Variants in RECQL observed in about 807,000 individuals in gnomAD.
RECQL encodes the protein ATP-dependent DNA helicase Q1.
In RECQL, 73 loss-of-function variants were observed where a neutral mutation model predicts 75.8. That is an observed-to-expected ratio of 0.96 (90% CI 0.80 to 1.17). RECQL has a LOEUF of 1.17. Ranked by LOEUF, RECQL falls within the 50% of genes most tolerant of loss-of-function variation. RECQL has a pLI of 0.00. For missense variants in RECQL, 699 were observed against 772.1 expected, an observed-to-expected ratio of 0.91 and a Z score of 1.12; for synonymous variants, 248 against 254.4, an observed-to-expected ratio of 0.97 and a Z score of 0.24.
intron 4 of RECQL, among the ~76,000 whole-genome samples, chr12:21,489,137 T>C (rs1943361152): frequency 6.6e-6 from 1 of 152,252 alleles, no homozygotes; most frequent in South Asian, 2.1e-4. Flanking sequence ...AAAATTCTTA[T>C]TGCAATTGCT....
rs372776980 is a variant in RECQL at position 21,474,801 on chromosome 12, G to A, written c.1355+40C>T. The A allele has an allele frequency of 6.0e-5, 95 of 1,575,306 alleles. No individual in the cohort carries two copies. The East Asian group carries it at 1.4e-3, about 24-fold the overall frequency. On this transcript the variant is annotated intron_variant, in intron 11 of 14. Coordinates refer to ENST00000444129, the MANE Select transcript of RECQL (RefSeq NM_002907.4). ...AACGATGTCATATACTTTCATATTT[G>A]CTTTAATTGATAAAAGTTATAAAAA...
At chr12:21,472,432 C>T (rs1942994498) in intron 12 of RECQL, among the ~76,000 whole-genome samples, 1 of 152,030 alleles carries the variant, frequency 6.6e-6, no homozygotes, top group South Asian at 2.1e-4. Context: ...AGCAGGGCTA[C>T]CCCAAAGGCA....
chr12:21,471,592 C>G lies in RECQL; in HGVS notation c.1503G>C (p.Lys501Asn), dbSNP rs1942966768. The G allele has an allele frequency of 1.9e-6, 3 of 1,612,722 alleles. No individual in the cohort carries two copies. Among genetic ancestry groups the G allele is most frequent in the Non-Finnish European group, 2.5e-6 (3 of 1,179,206 alleles). ...GTTTTTCATTCAGTTCCTCTGCCTGCTTCAGGATCTTGATTAGATCTCTGC... is the reference window on the plus strand; with the variant it reads ...GTTTTTCATTCAGTTCCTCTGCCTGGTTCAGGATCTTGATTAGATCTCTGC... The part of the protein sequence containing the change: ...EYCRDLIKIL[K>N]QAEELNEKLT... The change falls in exon 13 of 15, where the codon AAG becomes AAC. Residue 501 changes from lysine (K) to asparagine (N), a missense_variant. By Grantham distance (94) the Lys-to-Asn change is moderately conservative (BLOSUM62 0). This residue lies in a region of RECQL where 669 missense variants were observed against 713.5 expected (regional missense o/e 0.94). Transcript: ENST00000444129.
chr12:21,475,057 T>C, intron 10 of RECQL, 78 bp from the exon 11 acceptor site: 1 of 1,430,818 alleles, frequency 7.0e-7, no homozygotes, highest in Non-Finnish European at 9.6e-7. Flanking sequence ...ATGGTAAAAT[T>C]AGCAGGCAAT....
chr12:21,476,184 G>A (rs1271160426), intron 8 of RECQL, among the ~76,000 whole-genome samples: 4 of 151,926 alleles, frequency 2.6e-5, no homozygotes, highest in Admixed American at 2.6e-4. Flanking sequence ...AGATTAATTT[G>A]CATGCAAATT....
rs1405659459 is a variant in RECQL, at chr12:21,475,538, A to G, written c.1146T>C (p.Asp382=). 18 of 1,612,966 alleles carry G rather than the reference A, an allele frequency of 1.1e-5. No individual in the cohort carries two copies. The highest frequency in any genetic ancestry group is 1.5e-5 in the Non-Finnish European group (18 of 1,179,324). ...VAFGMGIDKP[D]VRFVIHHSMS... is the part of the protein sequence containing the mutation. Reference sequence around the variant, plus strand: ...TTGAATGATGGATAACAAACCTCACATCTGGCTTATCAATTCCCATACCAA... The same window carrying G: ...TTGAATGATGGATAACAAACCTCACGTCTGGCTTATCAATTCCCATACCAA... The change falls in exon 10 of 15, where the codon GAT becomes GAC. Residue 382 remains aspartate (D), a synonymous_variant. Coordinates refer to ENST00000444129, the MANE Select transcript of RECQL (RefSeq NM_002907.4).
At chr12:21,479,101 T>C (rs1943143027) in intron 6 of RECQL, among the ~76,000 whole-genome samples, 1 of 152,122 alleles carries the variant, frequency 6.6e-6, no homozygotes, top group South Asian at 2.1e-4. Flanking sequence ...TATCAATCCA[T>C]TACTTTTCTC....
chr12:21,496,226 T>C (rs2110159), intron 2 of RECQL, among the ~76,000 whole-genome samples: 64,219 of 152,182 alleles, frequency 0.42, 14,857 homozygotes, highest in East Asian at 0.68. Context: ...GAATGGATTA[T>C]GCCAAAATTA....
intron 2 of RECQL, 132 bp from the exon 3 acceptor site, chr12:21,491,848 A>T: frequency 1.2e-6 from 1 of 820,094 alleles, no homozygotes; most frequent in Non-Finnish European, 1.8e-6. Context: ...AATGGTTATG[A>T]GCATGTTTTT....
At chr12:21,479,090 G>A (rs1943142713) in intron 6 of RECQL, among the ~76,000 whole-genome samples, 1 of 152,022 alleles carries the variant, frequency 6.6e-6, no homozygotes, top group Non-Finnish European at 1.5e-5. Flanking sequence ...CAGTGCTTAG[G>A]TATCAATCCA....
At chr12:21,492,625 A>G (rs1943434969) in intron 2 of RECQL, among the ~76,000 whole-genome samples, 1 of 152,252 alleles carries the variant, frequency 6.6e-6, no homozygotes, top group South Asian at 2.1e-4. Context: ...GAGATTTACA[A>G]GGCAGAAATA....
intron 2 of RECQL, among the ~76,000 whole-genome samples, chr12:21,492,527 T>A (rs1004014134): frequency 2.0e-5 from 3 of 152,236 alleles, no homozygotes; most frequent in Non-Finnish European, 4.4e-5. Flanking sequence ...TTGGGGTACC[T>A]TTTTATTGTA....
At chr12:21,499,044 A>G (rs1290616093) in intron 2 of RECQL, among the ~76,000 whole-genome samples, 2 of 152,242 alleles carry the variant, frequency 1.3e-5, no homozygotes, top group Admixed American at 6.5e-5. Flanking sequence ...ACGAATAAAG[A>G]TAATTTGTAC....
rs541513278 is a variant in RECQL, at chr12:21,472,680, A to G, written c.1447+871T>C. ...ACTTGTTTGGGCCAGTTTCTTTGCT[A>G]TATCTTGTTTTGACCAGATCCTGTT... is the stretch of plus-strand genomic sequence containing the variant. On this transcript the variant is annotated intron_variant, in intron 12 of 14. Transcript: ENST00000444129. Among the ~76,000 whole-genome samples, 27 of 152,174 alleles carry G rather than the reference A, an allele frequency of 1.8e-4. No individual in the cohort carries two copies. The South Asian group carries it at 5.2e-3, about 29-fold the overall frequency.
intron 3 of RECQL, 147 bp downstream of exon 3, chr12:21,491,372 C>T: frequency 1.4e-6 from 1 of 691,926 alleles, no homozygotes; most frequent in Non-Finnish European, 2.3e-6. Context: ...AAAGAATGAT[C>T]CACCTGCAAG....
chr12:21,473,774 C>T (rs1943030291), intron 11 of RECQL, 132 bp from the exon 12 acceptor site: 1 of 674,988 alleles, frequency 1.5e-6, no homozygotes, highest in Non-Finnish European at 2.5e-6. Context: ...AACTTAGTGG[C>T]TTTAAACACA....
intron 3 of RECQL, among the ~76,000 whole-genome samples, chr12:21,490,728 C>T (rs889773076): frequency 6.6e-6 from 1 of 151,962 alleles, no homozygotes; most frequent in Non-Finnish European, 1.5e-5. Flanking sequence ...GTTCTGTGCA[C>T]CTGTAGTCCC....
chr12:21,477,952 T>C lies in RECQL; in HGVS notation c.718A>G (p.Ile240Val), dbSNP rs372519604. 3.7e-6 allele frequency: 6 copies of C among 1,609,104 alleles called. No homozygotes were observed. Among genetic ancestry groups the C allele is most frequent in the Admixed American group, 1.7e-5 (1 of 58,940 alleles). ...DFRPDYKALG[I>V]LKRQFPNASL... is the part of the protein sequence containing the mutation. ...GCGTTAGGGAACTGCCGCTTTAAGA[T>C]ACCAAGTGCCTTATAATCTGAAAAA... The change falls in exon 7 of 15, where the codon ATC becomes GTC. Residue 240 changes from isoleucine to valine, a missense_variant. This residue lies in a region of RECQL where 669 missense variants were observed against 713.5 expected (regional missense o/e 0.94). Transcript: ENST00000444129.
chr12:21,471,692 TGAG>T, intron 12 of RECQL, 45 bp from the exon 13 acceptor site: 1 of 1,493,066 alleles, frequency 6.7e-7, no homozygotes, highest in East Asian at 2.3e-5. Flanking sequence ...GATTTAGAAA[TGAG>T]GGCAAAGATA....
Sources: gnomAD v4.1 joint callset for allele counts (sites outside exome capture counted in the v4.1 genomes callset) on GRCh38, gnomAD v4.1.1 for gene constraint, gnomAD v4.1.1 regional missense constraint, MANE v1.5 for transcripts, NCBI Gene and HGNC (gene_info 2026-07-23, HGNC 2026-07-21) for gene names.